Variants in COMMD7 observed in about 807,000 individuals in gnomAD.
The protein encoded by COMMD7 is COMM domain containing 7.
A neutral mutation model predicts 34.8 loss-of-function variants in COMMD7; 28 were observed. The ratio of observed to expected loss-of-function variants is 0.80; its 90% CI spans 0.60 to 1.10. The LOEUF is 1.10. Ranked by LOEUF, COMMD7 falls within the 50% of genes least tolerant of loss-of-function variation. The pLI is 0.00. For missense variants in COMMD7, 211 were observed against 241.6 expected (o/e 0.87, Z 0.84); for synonymous variants, 80 against 86.4 (o/e 0.93, Z 0.41).
intron 3 of COMMD7, among the ~76,000 whole-genome samples, chr20:32,725,333 G>A (rs1220709832): frequency 6.6e-6 from 1 of 151,860 alleles, no homozygotes; most frequent in Non-Finnish European, 1.5e-5. Context: ...AAAGGCCATA[G>A]TCCAAAATTA....
chr20:32,720,339 A>G (rs1262866605), intron 3 of COMMD7, among the ~76,000 whole-genome samples: 3 of 152,180 alleles, frequency 2.0e-5, no homozygotes, highest in Non-Finnish European at 4.4e-5. Context: ...TACTAAAAAT[A>G]CAAAAATTAG....
chr20:32,713,694 G>A (rs2093261052), intron 3 of COMMD7, among the ~76,000 whole-genome samples: 1 of 152,156 alleles, frequency 6.6e-6, no homozygotes, highest in Non-Finnish European at 1.5e-5. Flanking sequence ...CCATGTGCCT[G>A]CACTGTGCTA....
At chr20:32,716,306 G>C (rs1984774529) in intron 3 of COMMD7, among the ~76,000 whole-genome samples, 2 of 152,114 alleles carry the variant, frequency 1.3e-5, no homozygotes, top group Admixed American at 1.3e-4. Flanking sequence ...AAGTATGTCT[G>C]ATATTGCCTT....
chr20:32,719,513 G>C (rs1048032134), intron 3 of COMMD7, among the ~76,000 whole-genome samples: 2 of 152,074 alleles, frequency 1.3e-5, no homozygotes, highest in Non-Finnish European at 2.9e-5. Context: ...AGCCAGGCAT[G>C]GTGGCGGGTG....
chr20:32,743,280 G>C, intron 1 of COMMD7, 28 bp downstream of exon 1: 3 of 703,784 alleles, frequency 4.3e-6, no homozygotes, highest in Non-Finnish European at 6.2e-6. Context: ...CCTGGGCCCC[G>C]CGCCCCACGC....
chr20:32,734,996 G>T (rs1379215332), intron 1 of COMMD7, among the ~76,000 whole-genome samples: 6 of 151,960 alleles, frequency 3.9e-5, no homozygotes, highest in Non-Finnish European at 4.4e-5. Flanking sequence ...CTAGCACTTT[G>T]CGAGTCTGAG....
At chr20:32,705,422 A>G (rs372795813) in intron 5 of COMMD7, among the ~76,000 whole-genome samples, 3 of 149,390 alleles carry the variant, frequency 2.0e-5, no homozygotes, top group East Asian at 3.9e-4. Flanking sequence ...TGCCCAGGCT[A>G]GAGTGCAGTG....
Position 32,743,292 on chromosome 20 carries a change from C to T in COMMD7, c.84+16G>A, listed in dbSNP as rs1480438455. ...TCACCTGGGCCCCGCGCCCCACGCC[C>T]CGCCGCCGGGCCCACCTGCGCGCCC... On this transcript the variant is annotated intron_variant, in intron 1 of 8. Coordinates refer to ENST00000278980, the MANE Select transcript of COMMD7 (RefSeq NM_053041.3). 1 of 1,512,932 alleles carries T rather than the reference C, an allele frequency of 6.6e-7. No individual in the cohort carries two copies. Among genetic ancestry groups the T allele is most frequent in the Non-Finnish European group, 8.8e-7 (1 of 1,136,500 alleles). 93.7% of individuals were successfully genotyped at this position (1,512,932 alleles called of 1,614,324 possible).
chr20:32,705,356 GTGTATATA>G (rs1343938896), intron 5 of COMMD7, among the ~76,000 whole-genome samples: 7 of 106,214 alleles, frequency 6.6e-5, no homozygotes, highest in African/African-American at 2.6e-4. Flanking sequence ...ATATGTGTGT[GTGTATATA>G]TATATATATA....
chr20:32,727,966 T>C lies in COMMD7; in HGVS notation c.168A>G (p.Glu56=). Residue 56 remains glutamate, a synonymous_variant, in exon 3 of 9, where the codon GAA becomes GAG. Coordinates refer to ENST00000278980, the MANE Select transcript of COMMD7 (RefSeq NM_053041.3). ...GACTGATCTGATTGGTGGTGGCAAA[T>C]TCAGAGAGCTGAGCCAGAAATCTTT... is the stretch of plus-strand genomic sequence containing the variant. ...EVERFLAQLS[E]FATTNQISLG... 1 of 1,614,086 alleles carries C rather than the reference T, an allele frequency of 6.2e-7. No individual in the cohort carries two copies. The highest frequency in any genetic ancestry group is 8.5e-7 in the Non-Finnish European group (1 of 1,180,010).
At chr20:32,705,374 A>T (rs548614239) in intron 5 of COMMD7, among the ~76,000 whole-genome samples, 4,538 of 93,132 alleles carry the variant, frequency 0.049, 104 homozygotes, top group Non-Finnish European at 0.062. Context: ...ATATATATAT[A>T]TATTTTTTTT....
At chr20:32,705,327 T>C (rs151001854) in intron 5 of COMMD7, among the ~76,000 whole-genome samples, 5 of 144,238 alleles carry the variant, frequency 3.5e-5, no homozygotes, top group African/African-American at 1.4e-4. Flanking sequence ...TATATATACA[T>C]ACATATATAT....
chr20:32,706,127 G>A (rs1338150368), intron 5 of COMMD7, among the ~76,000 whole-genome samples: 9 of 151,830 alleles, frequency 5.9e-5, no homozygotes, highest in Non-Finnish European at 1.3e-4. Context: ...GAACCAAGGA[G>A]GTGGAGGTTG....
At position 32,717,321 on chromosome 20, in the gene COMMD7, AT is replaced by A. The variant is rs59777332; in HGVS notation, c.242-10562del. Among the ~76,000 whole-genome samples the A allele has an allele frequency of 4.5e-3, 641 of 141,388 alleles. 2 individuals carry two copies. Among genetic ancestry groups the A allele is most frequent in the East Asian group, 7.1e-3 (34 of 4,768 alleles). The allele number at this position is 141,388 out of a possible 152,430, so 92.8% of individuals were successfully genotyped here. On this transcript the variant is annotated intron_variant, in intron 3 of 8. Coordinates refer to ENST00000278980, the MANE Select transcript of COMMD7 (RefSeq NM_053041.3). The stretch of plus-strand genomic sequence containing the variant: ...AGGTGTGCACCACCATGCCCAGTTA[AT>A]TTTTTTTTTTTTTTTTTTTTTAAGA...
intron 3 of COMMD7, among the ~76,000 whole-genome samples, chr20:32,709,804 C>T (rs921181357): frequency 3.3e-5 from 5 of 152,276 alleles, no homozygotes; most frequent in African/African-American, 1.2e-4. Flanking sequence ...TAGCTCATCC[C>T]TTCGCTTCAT....
At chr20:32,736,701 A>C (rs559473710) in intron 1 of COMMD7, among the ~76,000 whole-genome samples, 22 of 151,856 alleles carry the variant, frequency 1.4e-4, no homozygotes, top group East Asian at 7.8e-4. Flanking sequence ...ACAACAACAA[A>C]AAAAACCAAT....
chr20:32,704,566 C>G (rs537646194), intron 6 of COMMD7, 77 bp from the exon 7 acceptor site: 32 of 1,496,402 alleles, frequency 2.1e-5, no homozygotes, highest in African/African-American at 2.8e-5. Flanking sequence ...CCTGAAGACC[C>G]CAGTTTTGCA....
chr20:32,743,407 C>G lies in COMMD7; in HGVS notation c.-16G>C, dbSNP rs958294184. On this transcript the variant is annotated 5_prime_UTR_variant, in exon 1 of 9. Transcript: ENST00000278980. ...GGCGGCCCATGGCGCGCGCCCCAGC[C>G]CCGCAGGTTCCACCGCCGCCGCCGC... 9.7e-6 allele frequency: 13 copies of G among 1,340,872 alleles called. No individual in the cohort carries two copies. The African/African-American group carries it at 1.4e-4, about 14-fold the overall frequency. 83.1% of individuals were successfully genotyped at this position (1,340,872 alleles called of 1,614,324 possible). A position where few individuals can be genotyped will look rare whatever the true frequency, so the allele number is the denominator to read the frequency against.
intron 3 of COMMD7, among the ~76,000 whole-genome samples, chr20:32,713,296 C>T (rs1051412742): frequency 1.6e-4 from 24 of 151,832 alleles, no homozygotes; most frequent in Non-Finnish European, 2.7e-4. Context: ...GTGATCCACC[C>T]GCCTCGGCTT....
Sources: allele counts gnomAD v4.1 joint callset (sites outside exome capture counted in the v4.1 genomes callset), GRCh38; gene constraint gnomAD v4.1.1; transcripts MANE v1.5; gene names NCBI Gene and HGNC (gene_info 2026-07-23, HGNC 2026-07-21).